TMEM108: variants seen among roughly 807,000 people sequenced by gnomAD.
The protein encoded by TMEM108 is cancer/testis antigen 124.
Under a neutral mutation model 35.1 loss-of-function variants are expected in TMEM108, and 12 were observed. That is an observed-to-expected ratio of 0.34 (90% CI 0.22 to 0.55). The LOEUF (loss-of-function observed/expected upper bound fraction) is 0.55. Among genes scored for constraint, TMEM108 ranks in the 20% least tolerant of loss-of-function variants. The probability of loss-of-function intolerance (pLI) is 0.89; values close to 1 mark genes in which losing one functional copy is unlikely to be tolerated. For missense variants in TMEM108, 680 were observed against 753.3 expected, an observed-to-expected ratio of 0.90 and a Z score of 1.14; for synonymous variants, 287 against 308.6, an observed-to-expected ratio of 0.93 and a Z score of 0.73.
At chr3:133,275,266 G>T (rs60141688) in intron 3 of TMEM108, among the ~76,000 whole-genome samples, 48,350 of 151,822 alleles carry the variant, frequency 0.32, 8,471 homozygotes, top group East Asian at 0.48. Flanking sequence ...AATATAATAG[G>T]AATCACATAT....
chr3:133,111,640 A>G (rs1232382986), intron 2 of TMEM108, among the ~76,000 whole-genome samples: 1 of 152,170 alleles, frequency 6.6e-6, no homozygotes, highest in East Asian at 1.9e-4. Flanking sequence ...ACTATATAAT[A>G]TGCATCTTTG....
intron 2 of TMEM108, among the ~76,000 whole-genome samples, chr3:133,190,745 A>C (rs1252009715): frequency 6.6e-6 from 1 of 152,166 alleles, no homozygotes; most frequent in Non-Finnish European, 1.5e-5. Context: ...ACAAGAAGAG[A>C]CCTGGCATTT....
At chr3:133,308,756 G>A (rs187809783) in intron 3 of TMEM108, among the ~76,000 whole-genome samples, 2 of 152,228 alleles carry the variant, frequency 1.3e-5, no homozygotes, top group East Asian at 1.9e-4. Context: ...TGCTGGATTC[G>A]GTTTGCCAGT....
intron 2 of TMEM108, among the ~76,000 whole-genome samples, chr3:133,048,414 T>G (rs1185850220): frequency 6.6e-6 from 1 of 152,216 alleles, no homozygotes; most frequent in Non-Finnish European, 1.5e-5. Flanking sequence ...CTTTGAATTA[T>G]AAATGTAAAT....
intron 3 of TMEM108, among the ~76,000 whole-genome samples, chr3:133,325,480 G>C (rs979911653): frequency 6.6e-6 from 1 of 152,078 alleles, no homozygotes; most frequent in Non-Finnish European, 1.5e-5. Context: ...TTTTTAAAAA[G>C]TCAAAATAAA....
intron 2 of TMEM108, among the ~76,000 whole-genome samples, chr3:133,127,497 A>G (rs1443154143): frequency 6.6e-6 from 1 of 152,204 alleles, no homozygotes; most frequent in Admixed American, 6.5e-5. Flanking sequence ...CTTAAAAGGA[A>G]GTTTCCATTC....
At chr3:133,233,146 C>T (rs1357809379) in intron 3 of TMEM108, among the ~76,000 whole-genome samples, 2 of 151,576 alleles carry the variant, frequency 1.3e-5, no homozygotes, top group Non-Finnish European at 2.9e-5. Context: ...CCCATTAACT[C>T]GTCATTTAGC....
At position 133,159,281 on chromosome 3, in the gene TMEM108, C is replaced by G. The variant is rs373360509; in HGVS notation, c.-46-69985C>G. On this transcript the variant is annotated intron_variant, in intron 2 of 5. Transcript: ENST00000321871. ...TTCCAACTATAAACTAGTTTTTATTCTAGTTTTGCTAATCTAGTTAGGTAA... is the reference window on the plus strand; with the variant it reads ...TTCCAACTATAAACTAGTTTTTATTGTAGTTTTGCTAATCTAGTTAGGTAA... Among the ~76,000 whole-genome samples, 7 of 152,238 alleles carry G rather than the reference C, an allele frequency of 4.6e-5. No individual in the cohort carries two copies. In the South Asian group the frequency reaches 8.3e-4, roughly 18 times the overall value.
At chr3:133,185,760 G>GTTTCTTTTCTTTTCT (rs1230590710) in intron 2 of TMEM108, among the ~76,000 whole-genome samples, 1 of 131,934 alleles carries the variant, frequency 7.6e-6, no homozygotes, top group Non-Finnish European at 1.6e-5. Context: ...GGGACCTTGC[G>GTTTCTTTTCTTTTCT]TTTCTTTTCT....
chr3:133,276,487 A>G (rs574221599), intron 3 of TMEM108, among the ~76,000 whole-genome samples: 5 of 152,246 alleles, frequency 3.3e-5, no homozygotes, highest in Non-Finnish European at 7.3e-5. Flanking sequence ...GGCCTTGATC[A>G]TGGCAGAAGG....
chr3:133,162,979 T>C (rs1480117963), intron 2 of TMEM108, among the ~76,000 whole-genome samples: 1 of 152,194 alleles, frequency 6.6e-6, no homozygotes, highest in Non-Finnish European at 1.5e-5. Context: ...GCTGGGGTTT[T>C]CTCCCACCCC....
At position 133,380,230 on chromosome 3, in the gene TMEM108, A is replaced by G; in HGVS notation, c.519A>G (p.Arg173=). 1.9e-6 allele frequency: 3 copies of G among 1,612,344 alleles called. No individual in the cohort carries two copies. Among genetic ancestry groups the G allele is most frequent in the Non-Finnish European group, 2.5e-6 (3 of 1,179,264 alleles). The change falls in exon 4 of 6, where the codon CGA becomes CGG. Residue 173 remains arginine, a synonymous_variant. Transcript: ENST00000321871. This position sits in a 1 kb window ranked among gnomAD's most constrained non-coding sequence, Gnocchi z 5.3. ...RRPPRPPGSS[R]KGAGNSSRPV... is the part of the protein sequence containing the mutation. Reference sequence around the variant, plus strand: ...CCCCCAGGCCCCCAGGCTCTTCCCGAAAAGGGGCTGGTAATTCATCACGCC... The same window carrying G: ...CCCCCAGGCCCCCAGGCTCTTCCCGGAAAGGGGCTGGTAATTCATCACGCC...
chr3:133,069,869 C>T (rs1283504880), intron 2 of TMEM108, among the ~76,000 whole-genome samples: 1 of 152,152 alleles, frequency 6.6e-6, no homozygotes, highest in Non-Finnish European at 1.5e-5. Context: ...TCTGCTTTTC[C>T]ACAGTATTTT....
chr3:133,258,210 T>A (rs1029197665), intron 3 of TMEM108, among the ~76,000 whole-genome samples: 1 of 152,140 alleles, frequency 6.6e-6, no homozygotes, highest in Non-Finnish European at 1.5e-5. Flanking sequence ...GGTGAGAAGG[T>A]ATGGTCTATG....
intron 3 of TMEM108, among the ~76,000 whole-genome samples, chr3:133,259,587 G>A (rs116329918): frequency 0.01 from 1,549 of 152,306 alleles, 28 homozygotes; most frequent in South Asian, 0.039. Flanking sequence ...TTTAATTCCT[G>A]GCCTCTGACT....
intron 3 of TMEM108, among the ~76,000 whole-genome samples, chr3:133,322,469 T>C (rs1456709295): frequency 6.6e-6 from 1 of 151,944 alleles, no homozygotes; most frequent in Non-Finnish European, 1.5e-5. Flanking sequence ...TTAGATTAAA[T>C]CAGGCAGAAG....
At chr3:133,162,281 A>T (rs1191881606) in intron 2 of TMEM108, among the ~76,000 whole-genome samples, 2 of 152,122 alleles carry the variant, frequency 1.3e-5, no homozygotes, top group African/African-American at 4.8e-5. Context: ...TGTTTACTCT[A>T]TAGGTCCTCC....
intron 2 of TMEM108, among the ~76,000 whole-genome samples, chr3:133,201,817 G>A (rs1945670803): frequency 6.6e-6 from 1 of 152,176 alleles, no homozygotes; most frequent in African/African-American, 2.4e-5. Flanking sequence ...TATATACCCA[G>A]TAACAGGATT....
intron 3 of TMEM108, among the ~76,000 whole-genome samples, chr3:133,267,773 C>T (rs1946719766): frequency 6.6e-6 from 1 of 152,210 alleles, no homozygotes; most frequent in Non-Finnish European, 1.5e-5. Flanking sequence ...CAGGAGCCCT[C>T]CTCAGTTCTT....
Sources: gnomAD v4.1 joint callset for allele counts (sites outside exome capture counted in the v4.1 genomes callset) on GRCh38, gnomAD v4.1.1 for gene constraint, Gnocchi (gnomAD v3.1) non-coding constraint, MANE v1.5 for transcripts, NCBI Gene and HGNC (gene_info 2026-07-23, HGNC 2026-07-21) for gene names.